The following FOXN3 variants were observed in gnomAD, a reference collection of about 807,000 sequenced individuals.
FOXN3 encodes the protein forkhead box N3, also known as forkhead box protein N3.
Under a neutral mutation model 38.4 loss-of-function variants are expected in FOXN3, and 7 were observed. The observed-to-expected ratio is 0.18, with a 90% CI of 0.10 to 0.34. The LOEUF is 0.34. FOXN3 is among the 10% of genes least tolerant of loss of function. The pLI, the probability that FOXN3 is intolerant of heterozygous loss-of-function variation, is 1.00. For missense variants in FOXN3, 456 were observed against 613.4 expected (o/e 0.74, Z 2.71); for synonymous variants, 230 against 242.2 (o/e 0.95, Z 0.47).
At chr14:89,227,112 C>CA (rs1375841476) in intron 4 of FOXN3, among the ~76,000 whole-genome samples, 2 of 152,108 alleles carry the variant, frequency 1.3e-5, no homozygotes, top group African/African-American at 4.8e-5. Flanking sequence ...ATACAAAGAC[C>CA]AACTCATTCC....
At chr14:89,486,716 A>G (rs1426981683) in intron 1 of FOXN3, 2 of 152,332 alleles carry the variant, frequency 1.3e-5, no homozygotes, top group East Asian at 3.9e-4. Flanking sequence ...GAAGCAGCAG[A>G]GAGAGCCCTT....
At chr14:89,426,241 T>TTTTTTTA (rs55794657) in intron 1 of FOXN3, among the ~76,000 whole-genome samples, 2 of 122,058 alleles carry the variant, frequency 1.6e-5, no homozygotes, top group African/African-American at 6.8e-5. Context: ...TTTTTTTTTT[T>TTTTTTTA]GAGACAGGGT....
chr14:89,618,024 G>A (rs77884977), intron 1 of FOXN3, among the ~76,000 whole-genome samples: 5,599 of 152,226 alleles, frequency 0.037, 127 homozygotes, highest in Non-Finnish European at 0.052. Flanking sequence ...GGAACAAAAG[G>A]AATATAACAG....
At chr14:89,235,858 C>T (rs1884964060) in intron 4 of FOXN3, among the ~76,000 whole-genome samples, 1 of 152,108 alleles carries the variant, frequency 6.6e-6, no homozygotes, top group South Asian at 2.1e-4. Context: ...CTATTTTAGC[C>T]CCCCAAGACT....
intron 3 of FOXN3, among the ~76,000 whole-genome samples, chr14:89,324,276 C>G (rs1017087319): frequency 6.6e-6 from 1 of 152,098 alleles, no homozygotes; most frequent in Admixed American, 6.5e-5. Flanking sequence ...AGCACCATTA[C>G]GGAATAGAAA....
At chr14:89,171,938 C>G (rs934916840) in intron 5 of FOXN3, among the ~76,000 whole-genome samples, 2 of 151,998 alleles carry the variant, frequency 1.3e-5, no homozygotes, top group African/African-American at 4.8e-5. Flanking sequence ...CCAGTATTGA[C>G]AAAAGATATG....
intron 2 of FOXN3, among the ~76,000 whole-genome samples, chr14:89,360,187 A>G (rs1428589743): frequency 2.0e-5 from 3 of 152,076 alleles, no homozygotes; most frequent in Non-Finnish European, 4.4e-5. Flanking sequence ...CCTCCCGCCA[A>G]AACTGCCTCC....
chr14:89,476,121 C>T (rs1195079351), intron 1 of FOXN3, among the ~76,000 whole-genome samples: 3 of 152,158 alleles, frequency 2.0e-5, no homozygotes, highest in Non-Finnish European at 4.4e-5. Flanking sequence ...TGGGTTTAAA[C>T]TTCTTGCTCT....
intron 1 of FOXN3, among the ~76,000 whole-genome samples, chr14:89,495,574 T>G (rs1893663383): frequency 6.6e-6 from 1 of 152,190 alleles, no homozygotes; most frequent in South Asian, 2.1e-4. Flanking sequence ...AGGATTACCC[T>G]TTAACTAATC....
chr14:89,513,918 ACACACACACACGCACG>A (rs926595429), intron 1 of FOXN3, among the ~76,000 whole-genome samples: 2 of 151,686 alleles, frequency 1.3e-5, no homozygotes, highest in Non-Finnish European at 2.9e-5. Flanking sequence ...ACACACACAC[ACACACACACACGCACG>A]CACACACGCA....
chr14:89,193,614 C>T (rs571704899), intron 4 of FOXN3, among the ~76,000 whole-genome samples: 2 of 152,146 alleles, frequency 1.3e-5, no homozygotes, highest in African/African-American at 2.4e-5. Context: ...AGTCACTGAA[C>T]GGAAATACCG....
chr14:89,531,108 TACAC>T (rs968961311), intron 1 of FOXN3, among the ~76,000 whole-genome samples: 2 of 148,476 alleles, frequency 1.3e-5, no homozygotes, highest in African/African-American at 4.9e-5. Flanking sequence ...ATATATAATA[TACAC>T]ACACACATAA....
At chr14:89,499,795 C>T (rs773871348) in intron 1 of FOXN3, among the ~76,000 whole-genome samples, 1 of 152,088 alleles carries the variant, frequency 6.6e-6, no homozygotes, top group Non-Finnish European at 1.5e-5. Flanking sequence ...GTTCCCTGTG[C>T]CTCTTTTTCT....
At chr14:89,417,746 AC>A (rs1891791912), upstream of FOXN3, 2 of 455,376 alleles carry the variant, frequency 4.4e-6, no homozygotes, top group Non-Finnish European at 8.8e-6. Context: ...TCCTGATAGG[AC>A]CCCCAGGGCC....
intron 5 of FOXN3, 118 bp downstream of exon 5, chr14:89,180,583 G>T (rs937378991): frequency 1.6e-6 from 1 of 636,982 alleles, no homozygotes; most frequent in Non-Finnish European, 2.5e-6. Context: ...CGCAAACCAG[G>T]TTTATTGCTG....
At chr14:89,232,439 C>T (rs1289737542) in intron 4 of FOXN3, among the ~76,000 whole-genome samples, 1 of 152,112 alleles carries the variant, frequency 6.6e-6, no homozygotes, top group African/African-American at 2.4e-5. Context: ...ACATTTCAAT[C>T]GATGTAAACC....
intron 1 of FOXN3, among the ~76,000 whole-genome samples, chr14:89,434,246 G>A (rs1892228752): frequency 7.2e-6 from 1 of 139,478 alleles, no homozygotes; most frequent in South Asian, 2.3e-4. Flanking sequence ...TTTTTAAGAT[G>A]GAGTTTTGCT....
chr14:89,242,574 A>T (rs1375584442), intron 4 of FOXN3, among the ~76,000 whole-genome samples: 1 of 152,178 alleles, frequency 6.6e-6, no homozygotes, highest in Non-Finnish European at 1.5e-5. Context: ...CACTAAAGTA[A>T]AATATTTGAC....
At chr14:89,507,921 T>A (rs951731263) in intron 1 of FOXN3, among the ~76,000 whole-genome samples, 2 of 152,196 alleles carry the variant, frequency 1.3e-5, no homozygotes, top group African/African-American at 4.8e-5. Flanking sequence ...AACTGTTTTA[T>A]CAATAAGCAG....
Sources: gnomAD v4.1 joint callset for allele counts (sites outside exome capture counted in the v4.1 genomes callset) on GRCh38, gnomAD v4.1.1 for gene constraint, MANE v1.5 for transcripts, NCBI Gene and HGNC (gene_info 2026-07-23, HGNC 2026-07-21) for gene names.